FGF13: variants seen among roughly 807,000 people sequenced by gnomAD.
FGF13 encodes fibroblast growth factor 13.
FGF13 carries 2 observed loss-of-function variants against 19.5 expected under a neutral mutation model. The ratio of observed to expected loss-of-function variants is 0.10; its 90% CI spans 0.04 to 0.32. The LOEUF (loss-of-function observed/expected upper bound fraction) is 0.32. FGF13 is among the 10% of genes least tolerant of loss of function. The pLI is 1.00. For missense variants in FGF13, 113 were observed against 192.7 expected, an observed-to-expected ratio of 0.59 and a Z score of 2.45; for synonymous variants, 72 against 76.9, an observed-to-expected ratio of 0.94 and a Z score of 0.33.
rs185329290 is a variant in FGF13 at position 138,874,370 on chromosome X, T to C, written c.-112-9720A>G. On this transcript the variant is annotated intron_variant, in intron 1 of 2. Transcript: ENST00000421460. ...GTGGTAAAAGAGATACTTTTAGAGT[T>C]CCTATGAAATGCAGAATAATCACAA... Among the ~76,000 whole-genome samples, 34 of 110,295 alleles carry C rather than the reference T, an allele frequency of 3.1e-4. No individual in the cohort carries two copies. In the East Asian group the frequency reaches 9.8e-3, roughly 32 times the overall value.
chrX:139,098,932 G>A (rs1356209325), intron 1 of FGF13, among the ~76,000 whole-genome samples: 10 of 111,355 alleles, frequency 9.0e-5, no homozygotes, highest in Non-Finnish European at 1.5e-4. Context: ...AATAAGGCAA[G>A]ACAGAGCCAC....
At chrX:138,775,930 T>C (rs927841595) in intron 3 of FGF13, among the ~76,000 whole-genome samples, 1 of 111,902 alleles carries the variant, frequency 8.9e-6, no homozygotes, top group Non-Finnish European at 1.9e-5. Context: ...TGTGAGGGAG[T>C]TGAAACCTTT....
chrX:139,185,971 T>G (rs1265246761), intron 1 of FGF13, among the ~76,000 whole-genome samples: 1 of 111,800 alleles, frequency 8.9e-6, no homozygotes, highest in East Asian at 2.8e-4. Flanking sequence ...ATCTATGGTT[T>G]GATTTCCACT....
At chrX:138,782,258 A>T (rs1401048395) in intron 3 of FGF13, among the ~76,000 whole-genome samples, 1 of 112,531 alleles carries the variant, frequency 8.9e-6, no homozygotes, top group African/African-American at 3.2e-5. Context: ...CAAGACAGGG[A>T]TGGCCTCTCT....
chrX:138,761,682 C>T (rs1297161108), intron 3 of FGF13, among the ~76,000 whole-genome samples: 2 of 111,693 alleles, frequency 1.8e-5, no homozygotes, highest in Non-Finnish European at 3.8e-5. Flanking sequence ...TCATGTTTGC[C>T]CCATATGTCC....
chrX:138,745,587 A>G (rs1028995800), intron 3 of FGF13, among the ~76,000 whole-genome samples: 2 of 112,438 alleles, frequency 1.8e-5, no homozygotes, highest in African/African-American at 6.5e-5. Flanking sequence ...GCATCTCGCG[A>G]CAATAGGGAC....
chrX:138,739,829 T>C (rs2090307119), upstream of FGF13, among the ~76,000 whole-genome samples: 1 of 112,245 alleles, frequency 8.9e-6, no homozygotes, highest in Non-Finnish European at 1.9e-5. Flanking sequence ...CAATCCTCTG[T>C]AACAATTACA....
intron 1 of FGF13, among the ~76,000 whole-genome samples, chrX:138,893,625 C>T (rs1791940341): frequency 9.0e-6 from 1 of 110,820 alleles, no homozygotes; most frequent in South Asian, 3.9e-4. Context: ...TGTCATCAAT[C>T]ACTTAAGGGT....
At chrX:139,140,293 A>G (rs1258841300) in intron 1 of FGF13, among the ~76,000 whole-genome samples, 1 of 111,442 alleles carries the variant, frequency 9.0e-6, no homozygotes, top group Non-Finnish European at 1.9e-5. Flanking sequence ...CCAATAAATG[A>G]CATCACCCCA....
chrX:139,166,685 G>A (rs2084089581), intron 1 of FGF13, among the ~76,000 whole-genome samples: 1 of 111,157 alleles, frequency 9.0e-6, no homozygotes, highest in Non-Finnish European at 1.9e-5. Flanking sequence ...TTTAGGTCAT[G>A]AGGGCCTTAC....
intron 1 of FGF13, among the ~76,000 whole-genome samples, chrX:139,044,088 C>T (rs899724748): frequency 2.7e-5 from 3 of 111,929 alleles, no homozygotes; most frequent in Non-Finnish European, 5.6e-5. Context: ...CACAAAATGC[C>T]ACTTAATTGT....
intron 1 of FGF13, among the ~76,000 whole-genome samples, chrX:138,971,338 TAG>T (rs2091914698): frequency 2.1e-5 from 2 of 95,937 alleles, no homozygotes; most frequent in African/African-American, 7.4e-5. Context: ...ATCATGTACA[TAG>T]TAAGTGCTAA....
chrX:138,796,132 C>T (rs1208354637), intron 3 of FGF13, among the ~76,000 whole-genome samples: 1 of 109,950 alleles, frequency 9.1e-6, no homozygotes, highest in Non-Finnish European at 1.9e-5. Context: ...TATACATGTG[C>T]CATGGTGGTT....
intron 1 of FGF13, among the ~76,000 whole-genome samples, chrX:139,126,197 T>C (rs2083714599): frequency 8.9e-6 from 1 of 111,796 alleles, no homozygotes; most frequent in African/African-American, 3.3e-5. Context: ...GCCTAACATA[T>C]TTACTATTTG....
chrX:138,640,725 C>G (rs1053864851), intron 3 of FGF13, among the ~76,000 whole-genome samples: 4 of 112,089 alleles, frequency 3.6e-5, no homozygotes, highest in African/African-American at 1.3e-4. Context: ...CCAAAAGATA[C>G]ACACCAAGAC....
rs2091266072 is a variant in FGF13, at chrX:138,857,634, C to T, written c.8G>A (p.Arg3Gln). 2 of 1,208,142 alleles carry T rather than the reference C, an allele frequency of 1.7e-6. No individual in the cohort carries two copies. The highest frequency in any genetic ancestry group is 1.8e-5 in the South Asian group (1 of 56,266). Residue 3 changes from arginine to glutamine, a missense_variant, in exon 3 of 3, where the codon CGA becomes CAA. Arg to Gln is a conservative substitution (Grantham distance 43, BLOSUM62 1). Coordinates refer to the FGF13 transcript ENST00000421460. Reference sequence around the variant, plus strand: ...TTCCGCAGATTGGATGGAATCTTGTCGTAACATAATGTATTCCTGTGTGCC... The same window carrying T: ...TTCCGCAGATTGGATGGAATCTTGTTGTAACATAATGTATTCCTGTGTGCC...
chrX:138,741,876 C>G (rs764180986), upstream of FGF13, among the ~76,000 whole-genome samples: 36 of 111,691 alleles, frequency 3.2e-4, no homozygotes, highest in South Asian at 2.3e-3. Context: ...GTTTTTAAAC[C>G]TGAGGACTAA....
chrX:138,954,696 T>C (rs2091832295), intron 1 of FGF13, among the ~76,000 whole-genome samples: 1 of 111,708 alleles, frequency 9.0e-6, no homozygotes, highest in Non-Finnish European at 1.9e-5. Flanking sequence ...TAAAATGATC[T>C]GAGAGATCAG....
At chrX:139,034,678 G>A (rs976593572) in intron 1 of FGF13, among the ~76,000 whole-genome samples, 11 of 111,117 alleles carry the variant, frequency 9.9e-5, no homozygotes, top group Non-Finnish European at 1.9e-4. Flanking sequence ...TGAAGACTGG[G>A]CTTATTTTTC....
Sources: gnomAD v4.1 joint callset for allele counts (sites outside exome capture counted in the v4.1 genomes callset) on GRCh38, gnomAD v4.1.1 for gene constraint, MANE v1.5 for transcripts, NCBI Gene and HGNC (gene_info 2026-07-23, HGNC 2026-07-21) for gene names.